TCERG1L: variants seen among roughly 807,000 people sequenced by gnomAD.
TCERG1L encodes transcription elongation regulator 1-like protein.
Under a neutral mutation model 56.3 loss-of-function variants are expected in TCERG1L, and 37 were observed. The ratio of observed to expected loss-of-function variants is 0.66; its 90% CI spans 0.51 to 0.87. The LOEUF (loss-of-function observed/expected upper bound fraction) is 0.87. Ranked by LOEUF, TCERG1L falls within the 40% of genes least tolerant of loss-of-function variation. The probability of loss-of-function intolerance (pLI) is 0.00; values close to 1 mark genes in which losing one functional copy is unlikely to be tolerated. For missense variants in TCERG1L, 799 were observed against 774.2 expected, an observed-to-expected ratio of 1.03 and a Z score of -0.38; for synonymous variants, 324 against 326.3, an observed-to-expected ratio of 0.99 and a Z score of 0.08.
intron 6 of TCERG1L, 157 bp downstream of exon 6, chr10:131,162,965 C>T: frequency 1.8e-6 from 1 of 550,902 alleles, no homozygotes; most frequent in Non-Finnish European, 3.2e-6. Flanking sequence ...CAGAATGTGA[C>T]CACAGTGCAG....
chr10:131,252,162 A>G (rs946236639), intron 4 of TCERG1L, among the ~76,000 whole-genome samples: 2 of 152,174 alleles, frequency 1.3e-5, no homozygotes, highest in African/African-American at 2.4e-5. Flanking sequence ...GCACCCATCA[A>G]TGGACGCTCG....
At chr10:131,115,484 C>T (rs79313703) in intron 9 of TCERG1L, among the ~76,000 whole-genome samples, 4,972 of 152,244 alleles carry the variant, frequency 0.033, 107 homozygotes, top group African/African-American at 0.053. Flanking sequence ...AACACCCAGG[C>T]GTCCACATCG....
At chr10:131,124,494 TTCTACTC>T (rs1291366164) in intron 8 of TCERG1L, among the ~76,000 whole-genome samples, 1 of 152,162 alleles carries the variant, frequency 6.6e-6, no homozygotes, top group Non-Finnish European at 1.5e-5. Context: ...GGCCACTGAG[TTCTACTC>T]TCATTGAACA....
chr10:131,121,689 C>T (rs562913959), intron 8 of TCERG1L, among the ~76,000 whole-genome samples: 3 of 151,822 alleles, frequency 2.0e-5, no homozygotes, highest in African/African-American at 7.3e-5. Flanking sequence ...GAGGCCTGGG[C>T]GTGGGCACAG....
rs545708246 is a variant in TCERG1L, at chr10:131,238,497, C to T, written c.856+21762G>A. Among the ~76,000 whole-genome samples, 12 of 152,256 alleles carry T rather than the reference C, an allele frequency of 7.9e-5. No individual in the cohort carries two copies. In the East Asian group the frequency reaches 1.2e-3, roughly 15 times the overall value. On this transcript the variant is annotated intron_variant, in intron 4 of 11. Transcript: ENST00000368642. ...AGGAGCCACCCCAGCAAGCAGGGAC[C>T]GGCTTTATTTCACAAGCGGACACAA...
rs78530984 is a variant in TCERG1L, at chr10:131,207,466, C to G, written c.857-40581G>C. Among the ~76,000 whole-genome samples the G allele has an allele frequency of 1.7e-3, 265 of 152,350 alleles. 1 individual carries two copies. The highest frequency in any genetic ancestry group is 2.9e-3 in the Non-Finnish European group (195 of 68,036). On this transcript the variant is annotated intron_variant, in intron 4 of 11. Transcript: ENST00000368642. ...TGACACAGCGGCTCCAACATGAAGA[C>G]AGATGTTCCCTTGAAGTGGCAATGC...
intron 8 of TCERG1L, among the ~76,000 whole-genome samples, chr10:131,125,714 G>T (rs909335258): frequency 3.9e-5 from 6 of 152,226 alleles, no homozygotes; most frequent in Non-Finnish European, 7.3e-5. Flanking sequence ...CTCTGCTCAC[G>T]TGGATGGTCA....
At position 131,177,771 on chromosome 10, in the gene TCERG1L, G is replaced by A. The variant is rs970396541; in HGVS notation, c.857-10886C>T. Among the ~76,000 whole-genome samples, 39 of 151,960 alleles carry A rather than the reference G, an allele frequency of 2.6e-4. 1 individual carries two copies. The highest frequency in any genetic ancestry group is 8.2e-4 in the African/African-American group (34 of 41,366). On this transcript the variant is annotated intron_variant, in intron 4 of 11. Coordinates refer to ENST00000368642, the MANE Select transcript of TCERG1L (RefSeq NM_174937.4). ...GATGTCAGCTAAGGTCACGGCAGGA[G>A]GCTGAAGGGGAGGCTCCTGGCACGT...
intron 8 of TCERG1L, among the ~76,000 whole-genome samples, chr10:131,120,639 C>T (rs976696199): frequency 6.6e-6 from 1 of 152,238 alleles, no homozygotes; most frequent in Admixed American, 6.5e-5. Flanking sequence ...GGTGCCTCAT[C>T]ACAGCACTAC....
chr10:131,307,187 C>T (rs1825898030), intron 3 of TCERG1L, among the ~76,000 whole-genome samples: 1 of 152,110 alleles, frequency 6.6e-6, no homozygotes, highest in East Asian at 1.9e-4. Context: ...TGTGCATGTA[C>T]CATGCTCACT....
At chr10:131,209,873 A>G (rs150613023) in intron 4 of TCERG1L, among the ~76,000 whole-genome samples, 11 of 152,336 alleles carry the variant, frequency 7.2e-5, no homozygotes, top group African/African-American at 1.2e-4. Context: ...TTAAAATGTT[A>G]CTTTTTAATA....
chr10:131,170,338 C>T (rs1446236498), intron 4 of TCERG1L, among the ~76,000 whole-genome samples: 1 of 152,132 alleles, frequency 6.6e-6, no homozygotes, highest in Non-Finnish European at 1.5e-5. Context: ...TCATAAACTC[C>T]TCCCTTGAGT....
At chr10:131,199,927 C>T (rs1174620540) in intron 4 of TCERG1L, among the ~76,000 whole-genome samples, 2 of 152,212 alleles carry the variant, frequency 1.3e-5, no homozygotes, top group African/African-American at 2.4e-5. Flanking sequence ...CACTCTGGCT[C>T]TAGCAAAGGC....
intron 4 of TCERG1L, among the ~76,000 whole-genome samples, chr10:131,230,888 G>T (rs991821735): frequency 6.6e-6 from 1 of 152,016 alleles, no homozygotes; most frequent in African/African-American, 2.4e-5. Flanking sequence ...TGTGCCCCTT[G>T]CAGGCCAGCA....
At chr10:131,220,321 T>C (rs576782204) in intron 4 of TCERG1L, among the ~76,000 whole-genome samples, 2 of 152,194 alleles carry the variant, frequency 1.3e-5, no homozygotes, top group East Asian at 1.9e-4. Context: ...TCCAGGGCTC[T>C]TGGCTTAGGG....
chr10:131,269,134 A>C (rs2918103), intron 3 of TCERG1L, among the ~76,000 whole-genome samples: 7,132 of 152,248 alleles, frequency 0.047, 206 homozygotes, highest in Non-Finnish European at 0.058. Context: ...TCTTCTTTTC[A>C]TTTGAAAATG....
intron 4 of TCERG1L, among the ~76,000 whole-genome samples, chr10:131,229,993 C>T (rs531271386): frequency 9.9e-5 from 15 of 152,226 alleles, no homozygotes; most frequent in South Asian, 2.1e-4. Flanking sequence ...CAGCTCTGAG[C>T]GTTGAAATTG....
intron 6 of TCERG1L, among the ~76,000 whole-genome samples, chr10:131,157,049 T>C (rs1171372755): frequency 6.6e-6 from 1 of 152,238 alleles, no homozygotes; most frequent in East Asian, 1.9e-4. Flanking sequence ...GCTTCTGGGC[T>C]AGGCACACCT....
intron 4 of TCERG1L, among the ~76,000 whole-genome samples, chr10:131,170,335 C>T (rs1846076096): frequency 6.6e-6 from 1 of 152,122 alleles, no homozygotes; most frequent in Non-Finnish European, 1.5e-5. Context: ...TTGTCATAAA[C>T]TCCTCCCTTG....
Sources: allele counts gnomAD v4.1 joint callset (sites outside exome capture counted in the v4.1 genomes callset), GRCh38; gene constraint gnomAD v4.1.1; transcripts MANE v1.5; gene names NCBI Gene and HGNC (gene_info 2026-07-23, HGNC 2026-07-21).